CR2: variants seen among roughly 807,000 people sequenced by gnomAD.
CR2 encodes complement C3d receptor 2, also known as complement receptor type 2.
Under a neutral mutation model 123.0 loss-of-function variants are expected in CR2, and 96 were observed. The ratio of observed to expected loss-of-function variants is 0.78; its 90% confidence interval spans 0.66 to 0.93. CR2 has a LOEUF of 0.93. CR2 is among the 40% of genes least tolerant of loss of function. The pLI is 0.00. For missense variants in CR2, 1,258 were observed against 1,361.0 expected, an observed-to-expected ratio of 0.92 and a Z score of 1.19; for synonymous variants, 484 against 469.5, an observed-to-expected ratio of 1.03 and a Z score of -0.40.
At chr1:207,472,656 A>G in intron 9 of CR2, 116 bp from the exon 10 acceptor site, 1 of 1,015,202 alleles carries the variant, frequency 9.9e-7, no homozygotes, top group Non-Finnish European at 1.5e-6. Flanking sequence ...CATCATGAAA[A>G]TGTACCCATA....
chr1:207,470,377 T>C (rs1292079260), intron 6 of CR2, among the ~76,000 whole-genome samples: 1 of 152,188 alleles, frequency 6.6e-6, no homozygotes, highest in African/African-American at 2.4e-5. Flanking sequence ...TTTGTCTTAA[T>C]AGTGACTTCT....
At position 207,469,886 on chromosome 1, in the gene CR2, G is replaced by A. The variant is rs775040625; in HGVS notation, c.1009G>A (p.Gly337Ser). 6.2e-7 allele frequency: 1 copy of A among 1,613,920 alleles called. No homozygotes were observed. Among genetic ancestry groups the A allele is most frequent in the Non-Finnish European group, 8.5e-7 (1 of 1,179,928 alleles). The change falls in exon 6 of 20, where the codon GGC becomes AGC. Residue 337 changes from glycine to serine, a missense_variant. By Grantham distance (56) the Gly-to-Ser change is moderately conservative. Coordinates refer to ENST00000367057, the MANE Select transcript of CR2 (RefSeq NM_001006658.3). ...VDSQKTGTWS[G>S]PAPRCELSTS... ...TAGTCAGAAGACTGGGACCTGGAGTGGCCCTGCCCCACGCTGTGAACTTTC... is the reference window on the plus strand; with the variant it reads ...TAGTCAGAAGACTGGGACCTGGAGTAGCCCTGCCCCACGCTGTGAACTTTC...
At chr1:207,482,589 C>T (rs1658634802) in intron 18 of CR2, among the ~76,000 whole-genome samples, 1 of 152,104 alleles carries the variant, frequency 6.6e-6, no homozygotes, top group African/African-American at 2.4e-5. Context: ...TGGCCTCTGT[C>T]ATCAAGGAGG....
Position 207,466,906 on chromosome 1 carries a change from G to C in CR2, c.439G>C (p.Val147Leu). The C allele has an allele frequency of 6.3e-7, 1 of 1,588,322 alleles. No homozygotes were observed. The highest frequency in any genetic ancestry group is 8.6e-7 in the Non-Finnish European group (1 of 1,169,040). Reference sequence around the variant, plus strand: ...GGGGCCGACACGACTACCAACCTGTGTAAGTGGTGAGTATGAAAAGAAAGC... The same window carrying C: ...GGGGCCGACACGACTACCAACCTGTCTAAGTGGTGAGTATGAAAAGAAAGC... ...MWGPTRLPTC[V>L]SVFPLECPAL... Residue 147 changes from valine (V) to leucine (L), a missense_variant, in exon 2 of 20, where the codon GTA (valine) becomes CTA (leucine). Val to Leu is a conservative substitution (Grantham distance 32). Coordinates refer to ENST00000367057, the MANE Select transcript of CR2 (RefSeq NM_001006658.3).
At chr1:207,465,666 G>A (rs1243731168) in intron 1 of CR2, among the ~76,000 whole-genome samples, 2 of 152,154 alleles carry the variant, frequency 1.3e-5, no homozygotes, top group African/African-American at 4.8e-5. Context: ...CCTCCTCTTG[G>A]AGCCAAAGGG....
intron 18 of CR2, among the ~76,000 whole-genome samples, chr1:207,482,705 C>T (rs6690215): frequency 0.53 from 79,820 of 151,834 alleles, 21,489 homozygotes; most frequent in Admixed American, 0.62. Flanking sequence ...AGCAAATGGT[C>T]AATATTTGGG....
chr1:207,475,464 C>T (rs1277855041), intron 14 of CR2, among the ~76,000 whole-genome samples: 1 of 152,138 alleles, frequency 6.6e-6, no homozygotes, highest in Non-Finnish European at 1.5e-5. Flanking sequence ...GATAGCATCT[C>T]CAAAAATTGT....
intron 2 of CR2, 70 bp from the exon 3 acceptor site, chr1:207,468,457 C>A (rs751444438): frequency 2.6e-6 from 4 of 1,515,562 alleles, no homozygotes; most frequent in Non-Finnish European, 3.7e-6. Context: ...AAAGATTGGA[C>A]CCCCTTGATT....
chr1:207,466,366 AT>A (rs1387324943), intron 1 of CR2, among the ~76,000 whole-genome samples, 159 bp from the exon 2 acceptor site: 1 of 152,222 alleles, frequency 6.6e-6, no homozygotes, highest in Non-Finnish European at 1.5e-5. Flanking sequence ...AAAGGTAAGA[AT>A]TTAGGAGTTT....
At chr1:207,461,983 A>G (rs893437153) in intron 1 of CR2, among the ~76,000 whole-genome samples, 1 of 152,168 alleles carries the variant, frequency 6.6e-6, no homozygotes, top group Non-Finnish European at 1.5e-5. Flanking sequence ...TAGCTGGCCA[A>G]ACCTATTCAT....
intron 19 of CR2, among the ~76,000 whole-genome samples, 154 bp downstream of exon 19, chr1:207,485,726 T>G (rs1253054692): frequency 2.6e-5 from 4 of 152,238 alleles, no homozygotes; most frequent in Non-Finnish European, 5.9e-5. Flanking sequence ...TTTACCTACT[T>G]CATTTTGCCA....
In CR2 at chr1:207,468,664, A is replaced by G. The variant is rs1272165451; in HGVS notation, c.583A>G (p.Ile195Val). 1.9e-6 allele frequency: 3 copies of G among 1,614,090 alleles called. No homozygotes were observed. The highest frequency in any genetic ancestry group is 1.1e-5 in the South Asian group (1 of 91,086). Residue 195 changes from isoleucine to valine, a missense_variant, in exon 3 of 20, where the codon ATT becomes GTT. By Grantham distance (29) the Ile-to-Val change is conservative. Coordinates refer to ENST00000367057, the MANE Select transcript of CR2 (RefSeq NM_001006658.3). The stretch of plus-strand genomic sequence containing the variant: ...TTACTTGCTTGTTGGAGAAAAGATC[A>G]TTAACTGTTTGTCTTCGGGAAAATG... ...SGYLLVGEKI[I>V]NCLSSGKWSA... is the part of the protein sequence containing the mutation.
chr1:207,456,575 G>A (rs1657839999), intron 1 of CR2, among the ~76,000 whole-genome samples: 1 of 152,166 alleles, frequency 6.6e-6, no homozygotes, highest in African/African-American at 2.4e-5. Context: ...TGCATAAACA[G>A]TTTCAAATTT....
intron 18 of CR2, among the ~76,000 whole-genome samples, chr1:207,482,968 A>C (rs1171267265): frequency 1.3e-5 from 2 of 152,124 alleles, no homozygotes; most frequent in Non-Finnish European, 2.9e-5. Flanking sequence ...AAGAAAAAAA[A>C]AAAAAACCCT....
Position 207,454,425 on chromosome 1 carries a change from G to A in CR2, c.7G>A (p.Ala3Thr), listed in dbSNP as rs1423906073. 1.3e-6 allele frequency: 2 copies of A among 1,583,220 alleles called. No homozygotes were observed. Among genetic ancestry groups the A allele is most frequent in the South Asian group, 1.1e-5 (1 of 88,362 alleles). Residue 3 changes from alanine (A) to threonine (T), a missense_variant, in exon 1 of 20, where the codon GCC becomes ACC. Coordinates refer to ENST00000367057, the MANE Select transcript of CR2 (RefSeq NM_001006658.3). The surrounding 1 kb of genome is among the most constrained non-coding windows in gnomAD (Gnocchi z 4.3). MG[A>T]AGLLGVFLAL... ...CGGGGGCTTCGGCCGTGGCATGGGC[G>A]CCGCGGGCCTGCTCGGGGTTTTCTT...
intron 2 of CR2, 117 bp from the exon 3 acceptor site, chr1:207,468,410 A>G: frequency 4.1e-6 from 4 of 977,776 alleles, no homozygotes; most frequent in Non-Finnish European, 6.4e-6. Flanking sequence ...GTGGCCCAAG[A>G]CAATTTTTCT....
At chr1:207,459,218 T>C (rs1386339851) in intron 1 of CR2, among the ~76,000 whole-genome samples, 3 of 152,084 alleles carry the variant, frequency 2.0e-5, no homozygotes, top group Non-Finnish European at 4.4e-5. Context: ...TTGTGCACGG[T>C]TGTGGTTTTT....
At chr1:207,480,156 G>A (rs1466503265) in intron 18 of CR2, 103 bp downstream of exon 18, 4 of 837,264 alleles carry the variant, frequency 4.8e-6, no homozygotes, top group Non-Finnish European at 6.2e-6. Context: ...AATAAATACT[G>A]CAATGTGATA....
intron 1 of CR2, among the ~76,000 whole-genome samples, chr1:207,459,096 A>G (rs563827841): frequency 6.6e-6 from 1 of 152,328 alleles, no homozygotes; most frequent in South Asian, 2.1e-4. Context: ...GGATTACATA[A>G]TTGTTTTAGA....
Sources: gnomAD v4.1 joint callset for allele counts (sites outside exome capture counted in the v4.1 genomes callset) on GRCh38, gnomAD v4.1.1 for gene constraint, Gnocchi (gnomAD v3.1) non-coding constraint, MANE v1.5 for transcripts, NCBI Gene and HGNC (gene_info 2026-07-23, HGNC 2026-07-21) for gene names.